Variants in RIPOR3 observed in about 807,000 individuals in gnomAD.
RIPOR3 encodes RIPOR family member 3, also known as family with sequence similarity 65 member C.
In RIPOR3, 95 loss-of-function variants were observed where a neutral mutation model predicts 114.3. That is an observed-to-expected ratio of 0.83 (90% CI 0.70 to 0.99). The LOEUF (loss-of-function observed/expected upper bound fraction) is 0.99, where lower values mean the gene tolerates loss of function less well. RIPOR3 is among the 50% of genes least tolerant of loss of function. The pLI is 0.00. For missense variants in RIPOR3, 1,252 were observed against 1,266.9 expected, an observed-to-expected ratio of 0.99 and a Z score of 0.18; for synonymous variants, 575 against 543.8, an observed-to-expected ratio of 1.06 and a Z score of -0.80.
intron 1 of RIPOR3, among the ~76,000 whole-genome samples, chr20:50,648,290 G>T (rs7264470): frequency 0.022 from 3,129 of 145,388 alleles, 114 homozygotes; most frequent in African/African-American, 0.076. Flanking sequence ...AAAAAAGAAA[G>T]AAAAAAATCC....
chr20:50,597,398 C>T (rs768380453), intron 14 of RIPOR3, 182 bp downstream of exon 14: 16 of 870,010 alleles, frequency 1.8e-5, no homozygotes, highest in South Asian at 1.1e-4. Flanking sequence ...CTCTGAGGAC[C>T]GGCTCTGAGG....
chr20:50,652,623 A>C (rs1362570647), intron 1 of RIPOR3, among the ~76,000 whole-genome samples: 1 of 151,386 alleles, frequency 6.6e-6, no homozygotes. Context: ...AGAAAAGAAA[A>C]GAAAAGAAAG....
At chr20:50,648,613 A>G (rs927885879) in intron 1 of RIPOR3, among the ~76,000 whole-genome samples, 3 of 152,064 alleles carry the variant, frequency 2.0e-5, no homozygotes, top group Non-Finnish European at 2.9e-5. Flanking sequence ...TAATGAAATA[A>G]TTATACAACT....
chr20:50,678,266 T>C (rs2086739946), intron 1 of RIPOR3, among the ~76,000 whole-genome samples: 1 of 152,176 alleles, frequency 6.6e-6, no homozygotes, highest in Non-Finnish European at 1.5e-5. Context: ...CCAGTCCACA[T>C]AAGGGCATTC....
At chr20:50,665,544 C>T (rs2086161506) in intron 1 of RIPOR3, among the ~76,000 whole-genome samples, 1 of 151,126 alleles carries the variant, frequency 6.6e-6, no homozygotes, top group Admixed American at 6.6e-5. Flanking sequence ...CCTCAGCCTC[C>T]TGAGTAGCTG....
chr20:50,612,735 T>C (rs1270029108), intron 4 of RIPOR3, among the ~76,000 whole-genome samples: 1 of 152,096 alleles, frequency 6.6e-6, no homozygotes, highest in African/African-American at 2.4e-5. Flanking sequence ...GAAAGAAGGA[T>C]TCAACCCCAA....
chr20:50,643,726 G>A (rs2085289656), intron 1 of RIPOR3, among the ~76,000 whole-genome samples: 1 of 134,764 alleles, frequency 7.4e-6, no homozygotes, highest in Admixed American at 7.7e-5. Flanking sequence ...TTTTTTTTGA[G>A]ATGGAGCCTC....
chr20:50,592,910 G>A (rs748052294), intron 18 of RIPOR3, 125 bp downstream of exon 18: 53 of 1,229,762 alleles, frequency 4.3e-5, no homozygotes, highest in Non-Finnish European at 5.5e-5. Context: ...TCATTAAATC[G>A]GGGTTCCCAA....
intron 4 of RIPOR3, among the ~76,000 whole-genome samples, chr20:50,614,344 C>A (rs2084084548): frequency 6.6e-6 from 1 of 152,102 alleles, no homozygotes; most frequent in African/African-American, 2.4e-5. Context: ...CCACTGGATG[C>A]TATTTTGGTA....
intron 9 of RIPOR3, 42 bp downstream of exon 9, chr20:50,608,870 T>C (rs2083833903): frequency 1.2e-6 from 2 of 1,602,606 alleles, no homozygotes; most frequent in Non-Finnish European, 1.7e-6. Context: ...CCCAAAGACC[T>C]GGCGGGGAGC....
intron 15 of RIPOR3, among the ~76,000 whole-genome samples, chr20:50,595,762 T>C (rs1195644949): frequency 6.6e-6 from 1 of 152,190 alleles, no homozygotes; most frequent in East Asian, 1.9e-4. Flanking sequence ...AAAGCAGAAC[T>C]GAGAGAGACC....
chr20:50,619,909 G>A (rs773178305), intron 3 of RIPOR3, 77 bp downstream of exon 3: 15 of 1,532,288 alleles, frequency 9.8e-6, no homozygotes, highest in Non-Finnish European at 1.2e-5. Flanking sequence ...ACCCATCCAC[G>A]CTTCCCCAGG....
At chr20:50,658,019 C>T (rs1464459564) in intron 1 of RIPOR3, among the ~76,000 whole-genome samples, 2 of 152,052 alleles carry the variant, frequency 1.3e-5, no homozygotes, top group African/African-American at 4.8e-5. Flanking sequence ...CCTACCTCGG[C>T]CTCCCAAAGT....
intron 1 of RIPOR3, among the ~76,000 whole-genome samples, chr20:50,642,915 G>A (rs1043766049): frequency 3.3e-5 from 5 of 152,022 alleles, no homozygotes; most frequent in Non-Finnish European, 7.4e-5. Flanking sequence ...GGGCGTAGTG[G>A]CACATGCCTG....
chr20:50,624,296 C>G (rs994532328), intron 2 of RIPOR3, among the ~76,000 whole-genome samples: 8 of 152,314 alleles, frequency 5.3e-5, no homozygotes, highest in African/African-American at 1.9e-4. Flanking sequence ...GGGCTGCAGA[C>G]TCGGGAAAAG....
chr20:50,682,610 A>ATGTGTGTGTGTGTGTGTGTGTGTG (rs1230359539), intron 1 of RIPOR3, among the ~76,000 whole-genome samples: 1 of 13,490 alleles, frequency 7.4e-5, no homozygotes. Context: ...CTGTCTCAAA[A>ATGTGTGTGTGTGTGTGTGTGTGTG]TATGTGTGTG....
intron 2 of RIPOR3, chr20:50,621,176 A>T (rs976526513): frequency 2.9e-6 from 1 of 348,380 alleles, no homozygotes; most frequent in Non-Finnish European, 5.5e-6. Context: ...AACTTACAGG[A>T]AGAAATACAG....
intron 1 of RIPOR3, among the ~76,000 whole-genome samples, chr20:50,650,804 C>T (rs1275419525): frequency 1.3e-5 from 2 of 152,140 alleles, no homozygotes; most frequent in East Asian, 1.9e-4. Context: ...ATCCCAAAGA[C>T]GCTCGACTTC....
At chr20:50,648,160 C>A (rs2123378552) in intron 1 of RIPOR3, among the ~76,000 whole-genome samples, 1 of 151,836 alleles carries the variant, frequency 6.6e-6, no homozygotes, top group Middle Eastern at 3.4e-3. Flanking sequence ...CCTGTAATCC[C>A]AGCTACTCGG....
Sources: gnomAD v4.1 joint callset for allele counts (sites outside exome capture counted in the v4.1 genomes callset) on GRCh38, gnomAD v4.1.1 for gene constraint, MANE v1.5 for transcripts, NCBI Gene and HGNC (gene_info 2026-07-23, HGNC 2026-07-21) for gene names.